The following EVI5 variants were observed in gnomAD, a reference collection of about 807,000 sequenced individuals.
EVI5 encodes ecotropic viral integration site 5 protein homolog.
In EVI5, 73 loss-of-function variants were observed where a neutral mutation model predicts 112.0. The ratio of observed to expected loss-of-function variants is 0.65; its 90% CI spans 0.54 to 0.79. EVI5 has a LOEUF of 0.79. Among genes scored for constraint, EVI5 ranks in the 30% least tolerant of loss-of-function variants. The pLI, the probability that EVI5 is intolerant of heterozygous loss-of-function variation, is 0.00. For synonymous variants in EVI5, 305 were observed against 319.9 expected, an observed-to-expected ratio of 0.95 and a Z score of 0.50; for missense variants, 900 against 968.8, an observed-to-expected ratio of 0.93 and a Z score of 0.94.
intron 10 of EVI5, among the ~76,000 whole-genome samples, chr1:92,675,951 G>A (rs1169360904): frequency 2.3e-5 from 3 of 131,072 alleles, no homozygotes; most frequent in Non-Finnish European, 3.1e-5. Flanking sequence ...GCGAGACTTC[G>A]TCTCAAAAAA....
chr1:92,525,148 A>G (rs1424716770), intron 19 of EVI5, among the ~76,000 whole-genome samples: 4 of 152,128 alleles, frequency 2.6e-5, no homozygotes, highest in Non-Finnish European at 4.4e-5. Context: ...ATTTTTTAAT[A>G]CAACTCAACA....
At chr1:92,522,769 CATTT>C (rs1465989290) in intron 19 of EVI5, among the ~76,000 whole-genome samples, 1 of 151,558 alleles carries the variant, frequency 6.6e-6, no homozygotes, top group African/African-American at 2.4e-5. Context: ...TTCATTCATT[CATTT>C]ATGAGACAGG....
chr1:92,685,922 A>T (rs1325827166), intron 9 of EVI5, among the ~76,000 whole-genome samples: 1 of 152,200 alleles, frequency 6.6e-6, no homozygotes, highest in Non-Finnish European at 1.5e-5. Context: ...TACCAACCAA[A>T]AAAAGTCCAG....
intron 19 of EVI5, among the ~76,000 whole-genome samples, chr1:92,559,589 T>A (rs111437275): frequency 1.3e-5 from 2 of 151,810 alleles, no homozygotes; most frequent in Non-Finnish European, 2.9e-5. Context: ...CTGGTCAACA[T>A]GGTGAAACTC....
At chr1:92,633,739 ATTTTGCTCGTT>A (rs1379193516) in intron 14 of EVI5, among the ~76,000 whole-genome samples, 1 of 152,112 alleles carries the variant, frequency 6.6e-6, no homozygotes, top group African/African-American at 2.4e-5. Flanking sequence ...TAACGAGCAT[ATTTTGCTCGTT>A]AGTGGAAGCA....
intron 16 of EVI5, among the ~76,000 whole-genome samples, chr1:92,621,113 C>A (rs1284671710): frequency 6.6e-6 from 1 of 151,132 alleles, no homozygotes; most frequent in Non-Finnish European, 1.5e-5. Flanking sequence ...ATAAATAAGT[C>A]AAATGTGAAG....
At chr1:92,648,249 C>T (rs1290260707) in intron 13 of EVI5, among the ~76,000 whole-genome samples, 1 of 144,890 alleles carries the variant, frequency 6.9e-6, no homozygotes, top group Non-Finnish European at 1.5e-5. Context: ...TGGCAGGTGC[C>T]TTAGTCCCAG....
chr1:92,625,122 A>T (rs1261714715), intron 15 of EVI5, among the ~76,000 whole-genome samples: 1 of 152,174 alleles, frequency 6.6e-6, no homozygotes. Context: ...TAGAAAAAAA[A>T]TGGGGCCATT....
At chr1:92,790,137 C>T (rs1161908264) in intron 1 of EVI5, among the ~76,000 whole-genome samples, 1 of 152,114 alleles carries the variant, frequency 6.6e-6, no homozygotes, top group Non-Finnish European at 1.5e-5. Context: ...CATAGTCAGA[C>T]CCTATCTGTA....
chr1:92,756,530 C>T (rs1172843311), intron 1 of EVI5: 6 of 528,494 alleles, frequency 1.1e-5, no homozygotes, highest in African/African-American at 9.7e-5. Context: ...TTCTTAGTGC[C>T]GTGTACTGAA....
intron 18 of EVI5, among the ~76,000 whole-genome samples, chr1:92,604,349 T>C (rs1649877174): frequency 7.4e-6 from 1 of 135,008 alleles, no homozygotes; most frequent in Non-Finnish European, 1.5e-5. Flanking sequence ...AGTGAGATCC[T>C]GCCTCAAAAA....
intron 9 of EVI5, among the ~76,000 whole-genome samples, chr1:92,686,010 T>C (rs1668464091): frequency 6.6e-6 from 1 of 152,044 alleles, no homozygotes; most frequent in Non-Finnish European, 1.5e-5. Flanking sequence ...ACCATTTCAA[T>C]CAACAGAAAA....
At chr1:92,538,940 T>C (rs7513775) in intron 19 of EVI5, among the ~76,000 whole-genome samples, 87,524 of 152,040 alleles carry the variant, frequency 0.58, 26,966 homozygotes, top group East Asian at 0.92. Flanking sequence ...GGCTAAACTA[T>C]GAAGAATCTT....
intron 19 of EVI5, among the ~76,000 whole-genome samples, chr1:92,560,434 T>A (rs1398069011): frequency 6.6e-6 from 1 of 152,202 alleles, no homozygotes; most frequent in Non-Finnish European, 1.5e-5. Context: ...GGCTCTTGGG[T>A]CTATTTCTTG....
In EVI5 at chr1:92,540,219, A is replaced by T. The variant is rs1391909591; in HGVS notation, c.2166+23423T>A. Among the ~76,000 whole-genome samples the T allele has an allele frequency of 2.0e-5, 3 of 152,236 alleles. No individual in the cohort carries two copies. The East Asian group carries it at 5.8e-4, about 29-fold the overall frequency. On this transcript the variant is annotated intron_variant, in intron 19 of 19. Transcript: ENST00000684568. ...GTATATACCCAGGAGTGGAACTGCT[A>T]GGTCATATAGCAACTCTATGTTTAC... is the stretch of plus-strand genomic sequence containing the variant.
intron 16 of EVI5, among the ~76,000 whole-genome samples, chr1:92,618,966 A>G (rs1028469010): frequency 1.3e-5 from 2 of 152,132 alleles, no homozygotes; most frequent in African/African-American, 4.8e-5. Context: ...TGTACAAAGG[A>G]TAGTTGTATT....
rs1664102959 is a variant in EVI5, at chr1:92,662,022, G to GATCGCCCTTGTCT, written c.1392+696_1392+697insAGACAAGGGCGAT. ...ATCGCCCTTGTCTGAATTTGCCAATGGAAAATGTCTAAGCTGCAAAAGATA... is the reference window on the plus strand; with the variant it reads ...ATCGCCCTTGTCTGAATTTGCCAATGATCGCCCTTGTCTGAAAATGTCTAAGCTGCAAAAGATA... On this transcript the variant is annotated intron_variant, in intron 13 of 19. Coordinates refer to ENST00000684568, the MANE Select transcript of EVI5 (RefSeq NM_001350197.2). Among the ~76,000 whole-genome samples, 4 of 151,836 alleles carry GATCGCCCTTGTCT rather than the reference G, an allele frequency of 2.6e-5. 1 individual carries two copies. In the South Asian group the frequency reaches 8.3e-4, roughly 31 times the overall value.
rs778387880 is a variant in EVI5 at position 92,627,914 on chromosome 1, G to A, written c.1528-1980C>T. ...AAGCAATTCTCTGCCTCAGCCTCCC[G>A]AGTAGCTGGGATTACAGGCGCCGGC... is the stretch of plus-strand genomic sequence containing the variant. On this transcript the variant is annotated intron_variant, in intron 14 of 19. Transcript: ENST00000684568. 4.6e-5 allele frequency among the ~76,000 whole-genome samples: 7 copies of A among 151,830 alleles called. No individual in the cohort carries two copies. In the East Asian group the frequency reaches 5.8e-4, roughly 13 times the overall value.
At chr1:92,635,575 A>G (rs1416554522) in intron 14 of EVI5, among the ~76,000 whole-genome samples, 2 of 152,128 alleles carry the variant, frequency 1.3e-5, no homozygotes, top group African/African-American at 4.8e-5. Context: ...GGTGCCGTCC[A>G]TCACCCCTTT....
Sources: allele counts gnomAD v4.1 joint callset (sites outside exome capture counted in the v4.1 genomes callset), GRCh38; gene constraint gnomAD v4.1.1; transcripts MANE v1.5; gene names NCBI Gene and HGNC (gene_info 2026-07-23, HGNC 2026-07-21).